The following ABCA3 variants were observed in gnomAD, a reference collection of about 807,000 sequenced individuals.
ABCA3 encodes the protein phospholipid-transporting ATPase ABCA3.
ABCA3 carries 88 observed loss-of-function variants against 172.8 expected under a neutral mutation model. The observed-to-expected ratio is 0.51, with a 90% CI of 0.43 to 0.61. The LOEUF (loss-of-function observed/expected upper bound fraction) is 0.61. Among genes scored for constraint, ABCA3 ranks in the 20% least tolerant of loss-of-function variants. The pLI, the probability that ABCA3 is intolerant of heterozygous loss-of-function variation, is 0.00. For synonymous variants in ABCA3, 1,066 were observed against 983.8 expected (o/e 1.08, Z -1.56); for missense variants, 2,164 against 2,301.0 (o/e 0.94, Z 1.22).
chr16:2,311,770 T>C (rs908794811), intron 10 of ABCA3, among the ~76,000 whole-genome samples: 2 of 152,188 alleles, frequency 1.3e-5, no homozygotes, highest in African/African-American at 4.8e-5. Flanking sequence ...TCCACCCACC[T>C]CGGCCTCCCA....
Position 2,285,686 on chromosome 16 carries a change from GTC to G in ABCA3, c.3279-42_3279-41del, listed in dbSNP as rs766928137. 1.1e-4 allele frequency: 176 copies of G among 1,546,568 alleles called. No individual in the cohort carries two copies. The highest frequency in any genetic ancestry group is 1.5e-4 in the Non-Finnish European group (172 of 1,143,374). Reference sequence around the variant, plus strand: ...GAAGGTCAGGGACGGAGCACAGCACGTCTGGGTGGCAGGAGAGGTCGGGTTCT... The same window carrying G: ...GAAGGTCAGGGACGGAGCACAGCACGTGGGTGGCAGGAGAGGTCGGGTTCT... On this transcript the variant is annotated intron_variant, in intron 22 of 32. Coordinates refer to ENST00000301732, the MANE Select transcript of ABCA3 (RefSeq NM_001089.3). This position sits in a 1 kb window ranked among gnomAD's most constrained non-coding sequence, Gnocchi z 4.7.
intron 7 of ABCA3, among the ~76,000 whole-genome samples, chr16:2,320,266 T>A (rs1300874273): frequency 1.4e-5 from 2 of 146,488 alleles, no homozygotes; most frequent in South Asian, 2.2e-4. Flanking sequence ...GCCCAGCTAA[T>A]TTTTTGTATT....
At chr16:2,334,884 A>T (rs1248657591) in intron 1 of ABCA3, among the ~76,000 whole-genome samples, 17 of 149,358 alleles carry the variant, frequency 1.1e-4, no homozygotes, top group Non-Finnish European at 2.5e-4. Flanking sequence ...GCTGGAGTGC[A>T]ATGGCGTGAT....
Position 2,313,879 on chromosome 16 carries a change from G to A in ABCA3, c.1111+3404C>T, listed in dbSNP as rs1444708630. On this transcript the variant is annotated intron_variant, in intron 10 of 32. Coordinates refer to ENST00000301732, the MANE Select transcript of ABCA3 (RefSeq NM_001089.3). ...CTACACTTAGCCTGGGCAACAGAGC[G>A]AGATTCCATCTCAAAAAAAAAAAAA... Among the ~76,000 whole-genome samples, 7 of 148,776 alleles carry A rather than the reference G, an allele frequency of 4.7e-5. No individual in the cohort carries two copies. In the East Asian group the frequency reaches 7.8e-4, roughly 16 times the overall value.
intron 10 of ABCA3, 83 bp from the exon 11 acceptor site, chr16:2,308,706 C>G: frequency 6.4e-7 from 1 of 1,551,940 alleles, no homozygotes; most frequent in Non-Finnish European, 8.8e-7. Context: ...AGGCAACCCC[C>G]TACTCCTGGG....
intron 1 of ABCA3, among the ~76,000 whole-genome samples, chr16:2,338,021 C>T (rs1309379660): frequency 6.6e-6 from 1 of 152,218 alleles, no homozygotes; most frequent in Non-Finnish European, 1.5e-5. Flanking sequence ...GTTTCCCTAA[C>T]CCTTGCCGTG....
chr16:2,338,023 CT>C lies in ABCA3; in HGVS notation c.-539+2549del, dbSNP rs1451667765. Among the ~76,000 whole-genome samples the C allele has an allele frequency of 5.9e-5, 9 of 152,232 alleles. 1 individual carries two copies. ...TCTGCTACTGCCTGTTTCCCTAACC[CT>C]TGCCGTGGCTTCAGTCCCGTTCTCC... On this transcript the variant is annotated intron_variant, in intron 1 of 32. Transcript: ENST00000301732.
At position 2,284,391 on chromosome 16, in the gene ABCA3, C is replaced by G. The variant is rs1452464507; in HGVS notation, c.3750G>C (p.Leu1250=). The G allele has an allele frequency of 6.2e-7, 1 of 1,613,872 alleles. No individual in the cohort carries two copies. The highest frequency in any genetic ancestry group is 8.5e-7 in the Non-Finnish European group (1 of 1,180,016). The change falls in exon 25 of 33, where the codon CTG becomes CTC. Residue 1250 remains leucine, a synonymous_variant. Transcript: ENST00000301732. The surrounding 1 kb of genome is among the most constrained non-coding windows in gnomAD (Gnocchi z 5.9). ...ELSKTLDHVF[L]VLPNHCLGMA... ...TCCCCAGACAGTGGTTGGGCAGCAC[C>G]AGGAACACGTGATCCAGGGTTTTGG...
Position 2,326,080 on chromosome 16 carries a change from G to A in ABCA3, c.249C>T (p.Ile83=). ...TCTTGGCAGCGTCACTGTGAGAAGG[G>A]ATGTAGGCAAGCTCCCAGGTGTCTC... ...PPGDTWELAY[I]PSHSDAAKTV... Residue 83 remains isoleucine, a synonymous_variant, in exon 5 of 33, where the codon ATC becomes ATT. Coordinates refer to ENST00000301732, the MANE Select transcript of ABCA3 (RefSeq NM_001089.3). The A allele has an allele frequency of 6.2e-7, 1 of 1,614,162 alleles. No individual in the cohort carries two copies. The highest frequency in any genetic ancestry group is 8.5e-7 in the Non-Finnish European group (1 of 1,180,044).
intron 10 of ABCA3, among the ~76,000 whole-genome samples, chr16:2,311,357 T>C (rs536240009): frequency 2.0e-5 from 3 of 152,332 alleles, no homozygotes; most frequent in South Asian, 4.1e-4. Flanking sequence ...GTAAAGGGTA[T>C]TGTAATGGTT....
At chr16:2,338,085 A>G (rs2093754716) in intron 1 of ABCA3, among the ~76,000 whole-genome samples, 1 of 152,190 alleles carries the variant, frequency 6.6e-6, no homozygotes, top group African/African-American at 2.4e-5. Flanking sequence ...AGGTGCAGGA[A>G]ACGAGGTAAT....
At chr16:2,303,275 T>C (rs1228226082) in intron 12 of ABCA3, among the ~76,000 whole-genome samples, 1 of 151,580 alleles carries the variant, frequency 6.6e-6, no homozygotes, top group Non-Finnish European at 1.5e-5. Context: ...TTTTTTTTTT[T>C]TTTTTGAGAC....
chr16:2,319,830 C>T lies in ABCA3; in HGVS notation c.624G>A (p.Arg208=). 1 of 1,613,764 alleles carries T rather than the reference C, an allele frequency of 6.2e-7. No homozygotes were observed. Among genetic ancestry groups the T allele is most frequent in the Non-Finnish European group, 8.5e-7 (1 of 1,180,016 alleles). ...CATGCTGCACGGCCAGGAAGCCTTC[C>T]CGGATGTACCCTGGGTGCGGGAGCA... The part of the protein sequence containing the change: ...SPDGGEPGYI[R]EGFLAVQHAV... The change falls in exon 8 of 33, where the codon CGG becomes CGA. Residue 208 remains arginine, a synonymous_variant. Transcript: ENST00000301732.
chr16:2,291,373 A>T (rs2093671683), intron 19 of ABCA3, among the ~76,000 whole-genome samples: 1 of 150,516 alleles, frequency 6.6e-6, no homozygotes, highest in Non-Finnish European at 1.5e-5. Flanking sequence ...CTAGTCTCAA[A>T]CTCCTTGGCT....
chr16:2,288,566 T>C (rs998543006), intron 20 of ABCA3, among the ~76,000 whole-genome samples: 2 of 152,136 alleles, frequency 1.3e-5, no homozygotes, highest in Admixed American at 1.3e-4. Flanking sequence ...TGGCACTATT[T>C]TATTTTTTTG....
chr16:2,283,248 C>T lies in ABCA3; in HGVS notation c.3973G>A (p.Glu1325Lys), dbSNP rs973835010. The change falls in exon 26 of 33, where the codon GAG becomes AAG. Residue 1325 changes from glutamate to lysine, a missense_variant. This residue lies in a region of ABCA3 where 795 missense variants were observed against 881.9 expected (regional missense o/e 0.90). Transcript: ENST00000301732. The surrounding 1 kb of genome is among the most constrained non-coding windows in gnomAD (Gnocchi z 5.4). The stretch of plus-strand genomic sequence containing the variant: ...CTGAGTCTCTGAAGCAGGTTGGTCT[C>T]GATGAGGAAGAGCAGGATGAGGTAG... ...CAYLILLFLI[E>K]TNLLQRLRGI... The T allele has an allele frequency of 3.7e-6, 6 of 1,613,308 alleles. No individual in the cohort carries two copies. Among genetic ancestry groups the T allele is most frequent in the African/African-American group, 1.3e-5 (1 of 74,914 alleles).
Position 2,316,490 on chromosome 16 carries a change from C to CAAAAAAA in ABCA3, c.1111+786_1111+792dup, listed in dbSNP as rs71148128. On this transcript the variant is annotated intron_variant, in intron 10 of 32. Transcript: ENST00000301732. ...CAAAACCCCGTCTCTACTAAAAATG[C>CAAAAAAA]AAAAAAAAAAAAAAAAAAAAAAAAA... Among the ~76,000 whole-genome samples the CAAAAAAA allele has an allele frequency of 5.1e-3, 147 of 28,870 alleles. 58 individuals carry two copies. The highest frequency in any genetic ancestry group is 7.8e-3 in the Non-Finnish European group (101 of 12,998). The allele number at this position is 28,870 out of a possible 152,430, so 18.9% of individuals were successfully genotyped here.
intron 7 of ABCA3, among the ~76,000 whole-genome samples, chr16:2,322,684 C>G (rs1173075200): frequency 2.6e-5 from 4 of 151,980 alleles, no homozygotes; most frequent in Non-Finnish European, 4.4e-5. Context: ...AATGTTAGGC[C>G]TGAAACCATA....
chr16:2,297,482 A>T lies in ABCA3; in HGVS notation c.2110T>A (p.Trp704Arg). ...GMDAISRRAI[W>R]DLLQRQKSDR... ...CTTTTCTGCCGCTGAAGAAGATCCC[A>T]GATGGCCCTCCTGGAGATGGCGTCC... Residue 704 changes from tryptophan (W) to arginine (R), a missense_variant, in exon 17 of 33, where the codon TGG becomes AGG. This residue lies in a region of ABCA3 where 1,343 missense variants were observed against 1,369.6 expected (regional missense o/e 0.98). Transcript: ENST00000301732. The surrounding 1 kb of genome is among the most constrained non-coding windows in gnomAD (Gnocchi z 5.6). 1 of 1,613,644 alleles carries T rather than the reference A, an allele frequency of 6.2e-7. No homozygotes were observed. The highest frequency in any genetic ancestry group is 1.1e-5 in the South Asian group (1 of 91,066).
Sources: allele counts gnomAD v4.1 joint callset (sites outside exome capture counted in the v4.1 genomes callset), GRCh38; gene constraint gnomAD v4.1.1; regional missense constraint gnomAD v4.1.1; non-coding constraint Gnocchi (gnomAD v3.1); transcripts MANE v1.5; gene names NCBI Gene and HGNC (gene_info 2026-07-23, HGNC 2026-07-21).